SSBP4: variants seen among roughly 807,000 people sequenced by gnomAD.
SSBP4 encodes the protein single-stranded DNA-binding protein 4.
Under a neutral mutation model 64.6 loss-of-function variants are expected in SSBP4, and 33 were observed. The observed-to-expected ratio is 0.51, with a 90% CI of 0.39 to 0.68. SSBP4 has a LOEUF of 0.68. Among genes scored for constraint, SSBP4 ranks in the 30% least tolerant of loss-of-function variants. The probability of loss-of-function intolerance (pLI) is 0.00; values close to 1 mark genes in which losing one functional copy is unlikely to be tolerated. For missense variants in SSBP4, 583 were observed against 566.8 expected, an observed-to-expected ratio of 1.03 and a Z score of -0.29; for synonymous variants, 243 against 224.0, an observed-to-expected ratio of 1.08 and a Z score of -0.76.
Position 18,426,407 on chromosome 19 carries a change from G to T in SSBP4, c.60-944G>T, listed in dbSNP as rs1355029307. Among the ~76,000 whole-genome samples, 2 of 152,192 alleles carry T rather than the reference G, an allele frequency of 1.3e-5. No homozygotes were observed. The highest frequency in any genetic ancestry group is 2.9e-5 in the Non-Finnish European group (2 of 68,036). On this transcript the variant is annotated intron_variant, in intron 1 of 17. Coordinates refer to ENST00000270061, the MANE Select transcript of SSBP4 (RefSeq NM_032627.5). The surrounding 1 kb of genome is among the most constrained non-coding windows in gnomAD (Gnocchi z 4.5). ...CCCCAACCCCCAGCAGACTCTCGTG[G>T]TCCCTAGCTGGACAGTACAAGAGCT...
chr19:18,415,167 C>T (rs1283488201), upstream of SSBP4, among the ~76,000 whole-genome samples: 2 of 151,926 alleles, frequency 1.3e-5, no homozygotes, highest in African/African-American at 4.8e-5. Flanking sequence ...GAAAATTACC[C>T]ATAATTACAG....
In SSBP4 at chr19:18,433,395, A is replaced by G; in HGVS notation, c.991+182A>G. 1.3e-5 allele frequency: 17 copies of G among 1,264,664 alleles called. No homozygotes were observed. In the South Asian group the frequency reaches 2.1e-4, roughly 16 times the overall value. 78.3% of individuals were successfully genotyped at this position (1,264,664 alleles called of 1,614,324 possible). On this transcript the variant is annotated intron_variant, in intron 15 of 17. Coordinates refer to ENST00000270061, the MANE Select transcript of SSBP4 (RefSeq NM_032627.5). Reference sequence around the variant, plus strand: ...GAGGGGGATCCAGCGACCAAACCAGAGGATGCACTGACCGCCCCTCCCCCC... The same window carrying G: ...GAGGGGGATCCAGCGACCAAACCAGGGGATGCACTGACCGCCCCTCCCCCC...
chr19:18,410,826 G>GC, the SSBP4 span, among the ~76,000 whole-genome samples: 3 of 152,040 alleles, frequency 2.0e-5, no homozygotes, highest in Non-Finnish European at 4.4e-5. Flanking sequence ...GGCTGCCTTG[G>GC]CGAAGGCAGG....
At chr19:18,434,156 GT>G in intron 17 of SSBP4, 60 bp from the exon 18 acceptor site, 2 of 1,606,798 alleles carry the variant, frequency 1.2e-6, no homozygotes, top group Non-Finnish European at 1.7e-6. Flanking sequence ...CTGGGGGCGG[GT>G]CCCAGCCTCT....
chr19:18,432,006 C>T lies in SSBP4; in HGVS notation c.572C>T (p.Pro191Leu), dbSNP rs201010202. 2.4e-5 allele frequency: 38 copies of T among 1,560,434 alleles called. No individual in the cohort carries two copies. Among genetic ancestry groups the T allele is most frequent in the Middle Eastern group, 1.7e-4 (1 of 5,792 alleles). Residue 191 changes from proline to leucine, a missense_variant, in exon 9 of 18, where the codon CCG (proline) becomes CTG (leucine). Physicochemically the swap from Pro to Leu is moderately conservative, Grantham distance 98. Around this residue, in one of 5 missense-constraint regions of SSBP4, gnomAD observed 444 missense variants for 386.6 expected, o/e 1.15. Coordinates refer to ENST00000270061, the MANE Select transcript of SSBP4 (RefSeq NM_032627.5). The stretch of plus-strand genomic sequence containing the variant: ...TCCTTCTGCCCCACCCCAGGGCATC[C>T]GAGCATGGGCGGCCCAATGCAGAGG... ...MEPSPRAQGH[P>L]SMGGPMQRVT...
intron 1 of SSBP4, among the ~76,000 whole-genome samples, chr19:18,421,972 C>T (rs1972496098): frequency 6.6e-6 from 1 of 152,074 alleles, no homozygotes; most frequent in African/African-American, 2.4e-5. Flanking sequence ...ACCAGCCTGG[C>T]CAACATGATG....
At chr19:18,410,762 G>A in the SSBP4 span, among the ~76,000 whole-genome samples, 1 of 151,978 alleles carries the variant, frequency 6.6e-6, no homozygotes, top group Non-Finnish European at 1.5e-5. Flanking sequence ...CTCAGGAGTT[G>A]CTACATTGAG....
chr19:18,433,473 G>A, intron 15 of SSBP4, 112 bp from the exon 16 acceptor site: 9 of 1,473,116 alleles, frequency 6.1e-6, no homozygotes, highest in Non-Finnish European at 8.2e-6. Flanking sequence ...CGGGCTGTGC[G>A]GGGCGGGGGC....
At chr19:18,419,382 G>C (rs1192915665), upstream of SSBP4, 1 of 1,029,058 alleles carries the variant, frequency 9.7e-7, no homozygotes, top group Non-Finnish European at 1.2e-6. Context: ...CGCGCGGCGG[G>C]AGGAGGGGAG....
rs1174398696 is a variant in SSBP4, at chr19:18,423,627, G to C, written c.60-3724G>C. 6.6e-6 allele frequency among the ~76,000 whole-genome samples: 1 copy of C among 152,164 alleles called. No individual in the cohort carries two copies. The highest frequency in any genetic ancestry group is 2.4e-5 in the African/African-American group (1 of 41,426). On this transcript the variant is annotated intron_variant, in intron 1 of 17. Transcript: ENST00000270061. The surrounding 1 kb of genome is among the most constrained non-coding windows in gnomAD (Gnocchi z 4.0). ...TTATGGTAACTCGCGTCATTACGGTGGTAGCTGTGGTACATTTCAGGCCAC... is the reference window on the plus strand; with the variant it reads ...TTATGGTAACTCGCGTCATTACGGTCGTAGCTGTGGTACATTTCAGGCCAC...
At position 18,423,348 on chromosome 19, in the gene SSBP4, G is replaced by A. The variant is rs1359416077; in HGVS notation, c.59+3641G>A. Reference sequence around the variant, plus strand: ...ACGTGGTCATTTTGGCCCCTGGCTGGAAATGGCTATGAGGGGCAGGTGTGG... The same window carrying A: ...ACGTGGTCATTTTGGCCCCTGGCTGAAAATGGCTATGAGGGGCAGGTGTGG... On this transcript the variant is annotated intron_variant, in intron 1 of 17. Transcript: ENST00000270061. The surrounding 1 kb of genome is among the most constrained non-coding windows in gnomAD (Gnocchi z 4.0). 2.0e-5 allele frequency among the ~76,000 whole-genome samples: 3 copies of A among 152,204 alleles called. No homozygotes were observed. The highest frequency in any genetic ancestry group is 6.5e-5 in the Admixed American group (1 of 15,280).
At position 18,432,028 on chromosome 19, in the gene SSBP4, G is replaced by A. The variant is rs377706111; in HGVS notation, c.594G>A (p.Gln198=). 2.2e-5 allele frequency: 34 copies of A among 1,578,498 alleles called. No individual in the cohort carries two copies. The highest frequency in any genetic ancestry group is 2.7e-5 in the Non-Finnish European group (31 of 1,158,178). The part of the protein sequence containing the change: ...QGHPSMGGPM[Q]RVTPPRGMAS... ...ATCCGAGCATGGGCGGCCCAATGCA[G>A]AGGGTGACGCCTCCTCGTGGCATGG... The change falls in exon 9 of 18, where the codon CAG becomes CAA. Residue 198 remains glutamine, a synonymous_variant. Transcript: ENST00000270061.
chr19:18,430,327 C>G (rs925698659), intron 4 of SSBP4, among the ~76,000 whole-genome samples: 1 of 152,154 alleles, frequency 6.6e-6, no homozygotes, highest in South Asian at 2.1e-4. Context: ...CTGGCAGATA[C>G]AGGAAGCCCC....
Position 18,419,529 on chromosome 19 carries a change from G to A in SSBP4, c.-120G>A, listed in dbSNP as rs1395459712. On this transcript the variant is annotated 5_prime_UTR_variant, in exon 1 of 18. In the 5' UTR this introduces an upstream ATG that the reference lacks. Coordinates refer to ENST00000270061, the MANE Select transcript of SSBP4 (RefSeq NM_032627.5). ...CTCCCCCGCGCGGACGATGCCTGCC[G>A]TGCCCGCCTGGGGCTCGGGGCGGTG... The A allele has an allele frequency of 6.2e-6, 7 of 1,127,510 alleles. No individual in the cohort carries two copies. Among genetic ancestry groups the A allele is most frequent in the Non-Finnish European group, 7.6e-6 (7 of 919,794 alleles). 69.8% of individuals were successfully genotyped at this position (1,127,510 alleles called of 1,614,324 possible). A position where few individuals can be genotyped will look rare whatever the true frequency, so the allele number is the denominator to read the frequency against.
upstream of SSBP4, chr19:18,419,056 G>A (rs1361724948): frequency 4.1e-6 from 4 of 985,610 alleles, no homozygotes; most frequent in East Asian, 1.1e-4. Flanking sequence ...CCAGCAGCGG[G>A]GTACACTTTT....
At position 18,433,040 on chromosome 19, in the gene SSBP4, T is replaced by G. The variant is rs904387256; in HGVS notation, c.909T>G (p.Ala303=). Reference sequence around the variant, plus strand: ...CCATCGGGCAGGGCGCCGGCAGGGCTAATGTGAGTGGGGGCTTGCAGGGGT... The same window carrying G: ...CCATCGGGCAGGGCGCCGGCAGGGCGAATGTGAGTGGGGGCTTGCAGGGGT... ...MNPIGQGAGR[A]NFPLGPGPEG... Residue 303 remains alanine (A), a synonymous_variant, in exon 14 of 18, where the codon GCT becomes GCG. Coordinates refer to ENST00000270061, the MANE Select transcript of SSBP4 (RefSeq NM_032627.5). 6.2e-7 allele frequency: 1 copy of G among 1,613,958 alleles called. No homozygotes were observed. The highest frequency in any genetic ancestry group is 1.3e-5 in the African/African-American group (1 of 74,932).
chr19:18,427,322 G>T lies in SSBP4; in HGVS notation c.60-29G>T. On this transcript the variant is annotated intron_variant, in intron 1 of 17. Transcript: ENST00000270061. The surrounding 1 kb of genome is among the most constrained non-coding windows in gnomAD (Gnocchi z 4.4). ...GGTGGGCCCTTGCCTTGGAGAGTCT[G>T]AGCTCCCTGGGCCGCCTCGCCCCCA... 1 of 1,605,676 alleles carries T rather than the reference G, an allele frequency of 6.2e-7. No individual in the cohort carries two copies.
chr19:18,428,642 G>A (rs1281251951), intron 4 of SSBP4, among the ~76,000 whole-genome samples: 1 of 152,134 alleles, frequency 6.6e-6, no homozygotes, highest in Non-Finnish European at 1.5e-5. Flanking sequence ...TGAGGGGGAG[G>A]TGCCGGCTCT....
rs770616578 is a variant in SSBP4 at position 18,427,346 on chromosome 19, C to T, written c.60-5C>T. 9 of 1,609,448 alleles carry T rather than the reference C, an allele frequency of 5.6e-6. No individual in the cohort carries two copies. Among genetic ancestry groups the T allele is most frequent in the Non-Finnish European group, 7.6e-6 (9 of 1,179,744 alleles). ...TGAGCTCCCTGGGCCGCCTCGCCCCCACAGGTTGGCGCTGTACGTTTATGA... is the reference window on the plus strand; with the variant it reads ...TGAGCTCCCTGGGCCGCCTCGCCCCTACAGGTTGGCGCTGTACGTTTATGA... On this transcript the variant is annotated splice_polypyrimidine_tract_variant and splice_region_variant and intron_variant, in intron 1 of 17. Coordinates refer to ENST00000270061, the MANE Select transcript of SSBP4 (RefSeq NM_032627.5). This position sits in a 1 kb window ranked among gnomAD's most constrained non-coding sequence, Gnocchi z 4.4.
Sources: gnomAD v4.1 joint callset for allele counts (sites outside exome capture counted in the v4.1 genomes callset) on GRCh38, gnomAD v4.1.1 for gene constraint, gnomAD v4.1.1 regional missense constraint, Gnocchi (gnomAD v3.1) non-coding constraint, MANE v1.5 for transcripts, NCBI Gene and HGNC (gene_info 2026-07-23, HGNC 2026-07-21) for gene names.